Variants in PCDHGB2 observed in about 807,000 individuals in gnomAD.
PCDHGB2 encodes protocadherin gamma subfamily B, 2, also known as protocadherin gamma-B2.
In PCDHGB2, 55 loss-of-function variants were observed where a neutral mutation model predicts 59.3. That is an observed-to-expected ratio of 0.93 (90% CI 0.75 to 1.16). PCDHGB2 has a LOEUF of 1.16. Among genes scored for constraint, PCDHGB2 ranks in the 50% most tolerant of loss-of-function variants. PCDHGB2 has a pLI of 0.00. For synonymous variants in PCDHGB2, 516 were observed against 512.0 expected (o/e 1.01, Z -0.11); for missense variants, 1,228 against 1,198.5 (o/e 1.02, Z -0.36).
chr5:141,379,975 C>T (rs2150153765), intron 1 of PCDHGB2, among the ~76,000 whole-genome samples: 1 of 132,632 alleles, frequency 7.5e-6, no homozygotes, highest in South Asian at 2.6e-4. Flanking sequence ...TCTCTGCTCA[C>T]TGCAACTTCC....
intron 1 of PCDHGB2, among the ~76,000 whole-genome samples, chr5:141,463,209 A>G (rs1189251811): frequency 6.6e-6 from 1 of 152,140 alleles, no homozygotes; most frequent in African/African-American, 2.4e-5. Flanking sequence ...TTGGGGATCC[A>G]TATTAATATT....
chr5:141,474,551 C>G (rs1032524620), intron 1 of PCDHGB2, among the ~76,000 whole-genome samples: 35 of 152,312 alleles, frequency 2.3e-4, no homozygotes, highest in Non-Finnish European at 3.5e-4. Flanking sequence ...GCATTTAAAA[C>G]TGGGGGTTTT....
intron 1 of PCDHGB2, chr5:141,385,190 G>C (rs899564761): frequency 3.7e-6 from 6 of 1,614,166 alleles, no homozygotes; most frequent in Non-Finnish European, 5.1e-6. Context: ...GCGGACTCTC[G>C]GAAGAGTCAC....
chr5:141,428,858 GACT>G (rs1348026268), intron 1 of PCDHGB2: 1 of 139,194 alleles, frequency 7.2e-6, no homozygotes, highest in African/African-American at 3.0e-5. Flanking sequence ...TTTTACGGGA[GACT>G]TTTTTTTTTT....
chr5:141,467,907 C>A (rs1166486426), intron 1 of PCDHGB2, among the ~76,000 whole-genome samples: 1 of 152,156 alleles, frequency 6.6e-6, no homozygotes, highest in Non-Finnish European at 1.5e-5. Flanking sequence ...AATCCGCCCA[C>A]CTCAGCCTCC....
In PCDHGB2 at chr5:141,491,762, C is replaced by T. The variant is rs1162878124; in HGVS notation, c.2422-3045C>T. The T allele has an allele frequency of 6.4e-7, 1 of 1,572,596 alleles. No homozygotes were observed. The highest frequency in any genetic ancestry group is 1.4e-5 in the African/African-American group (1 of 73,308). ...GGCGGCACTGGAGAAGCCGCCCGTC[C>T]TCATAAGGGATTGAACTTGCATCCA... On this transcript the variant is annotated intron_variant, in intron 1 of 3. Transcript: ENST00000522605. The surrounding 1 kb of genome is among the most constrained non-coding windows in gnomAD (Gnocchi z 6.9).
chr5:141,438,471 A>C (rs1019238906), intron 1 of PCDHGB2, among the ~76,000 whole-genome samples: 4 of 151,396 alleles, frequency 2.6e-5, no homozygotes, highest in Admixed American at 2.6e-4. Flanking sequence ...CAATTATTGG[A>C]AAGTGGTCTC....
Position 141,512,288 on chromosome 5 carries a change from TCAGCGGAGCCCCAGCAGGAAGGGTGGGC to T in PCDHGB2, c.*1120_*1147del, listed in dbSNP as rs1375137843. The T allele has an allele frequency of 6.5e-6, 1 of 152,680 alleles. No individual in the cohort carries two copies. Among genetic ancestry groups the T allele is most frequent in the Non-Finnish European group, 1.5e-5 (1 of 68,182 alleles). The allele number at this position is 152,680 out of a possible 1,614,324, so 9.5% of individuals were successfully genotyped here. ...TCCAGAGGTGCCACTGGTGGAAGGG[TCAGCGGAGCCCCAGCAGGAAGGGTGGGC>T]CAGCCAGGCCATTCTTAGTCCCTGG... On this transcript the variant is annotated 3_prime_UTR_variant, in exon 4 of 4. Coordinates refer to ENST00000522605, the MANE Select transcript of PCDHGB2 (RefSeq NM_018923.3).
rs375166529 is a variant in PCDHGB2, at chr5:141,399,734, C to G, written c.2421+37178C>G. The G allele has an allele frequency of 3.7e-6, 6 of 1,613,220 alleles. No homozygotes were observed. The African/African-American group carries it at 4.0e-5, about 11-fold the overall frequency. ...CTACAGGCCCGCGACCAGGGCTCGC[C>G]TGCGCTCAGCGCAAACGTGAGCCTG... On this transcript the variant is annotated intron_variant, in intron 1 of 3. Transcript: ENST00000522605.
At chr5:141,464,223 CCACTGCA>C (rs916210777) in intron 1 of PCDHGB2, among the ~76,000 whole-genome samples, 4 of 150,824 alleles carry the variant, frequency 2.7e-5, no homozygotes, top group Non-Finnish European at 4.4e-5. Flanking sequence ...TGAGATTGCG[CCACTGCA>C]CTCCAGCCTG....
In PCDHGB2 at chr5:141,476,288, C is replaced by A. The variant is rs1446743849; in HGVS notation, c.2422-18519C>A. 3.1e-6 allele frequency: 5 copies of A among 1,613,980 alleles called. No homozygotes were observed. The highest frequency in any genetic ancestry group is 3.4e-6 in the Non-Finnish European group (4 of 1,180,026). ...CGTGGTCGCGAACCTTGGTTTGGAT[C>A]TCGGTAGCCTCTCAGCCCGCAGGTT... On this transcript the variant is annotated intron_variant, in intron 1 of 3. Coordinates refer to ENST00000522605, the MANE Select transcript of PCDHGB2 (RefSeq NM_018923.3). This position sits in a 1 kb window ranked among gnomAD's most constrained non-coding sequence, Gnocchi z 7.6.
intron 1 of PCDHGB2, chr5:141,414,361 T>G: frequency 6.2e-7 from 1 of 1,613,876 alleles, no homozygotes; most frequent in Non-Finnish European, 8.5e-7. Context: ...GTATCTACCA[T>G]TTAAATTAGA....
intron 1 of PCDHGB2, chr5:141,416,674 G>T (rs547618174): frequency 6.6e-6 from 1 of 152,132 alleles, no homozygotes; most frequent in Non-Finnish European, 1.5e-5. Context: ...TATATGCAAC[G>T]AAGGGAAATT....
intron 1 of PCDHGB2, 111 bp downstream of exon 1, chr5:141,362,667 T>C (rs545396981): frequency 5.4e-6 from 7 of 1,294,756 alleles, no homozygotes; most frequent in South Asian, 3.1e-5. Flanking sequence ...GCCAATGTTG[T>C]GCCTTAATTG....
chr5:141,364,884 G>C, intron 1 of PCDHGB2: 1 of 1,614,002 alleles, frequency 6.2e-7, no homozygotes, highest in Non-Finnish European at 8.5e-7. Context: ...GTGGTAAGCG[G>C]AACTGATGGA....
intron 2 of PCDHGB2, among the ~76,000 whole-genome samples, chr5:141,496,230 C>T (rs1336418553): frequency 2.6e-5 from 4 of 152,160 alleles, no homozygotes; most frequent in Admixed American, 2.0e-4. Flanking sequence ...AGACAGGAAC[C>T]CCCTGCGGGC....
chr5:141,453,721 A>G (rs373983847), intron 1 of PCDHGB2, among the ~76,000 whole-genome samples: 4 of 152,244 alleles, frequency 2.6e-5, no homozygotes, highest in East Asian at 1.9e-4. Flanking sequence ...CTATAAAAAT[A>G]TTTGTTACTA....
intron 2 of PCDHGB2, among the ~76,000 whole-genome samples, chr5:141,500,136 A>G (rs966215589): frequency 6.6e-6 from 1 of 151,606 alleles, no homozygotes; most frequent in African/African-American, 2.4e-5. Flanking sequence ...ATATCTTTCT[A>G]AACTTTTCTT....
In PCDHGB2 at chr5:141,423,512, C is replaced by T. The variant is rs765694240; in HGVS notation, c.2421+60956C>T. 55 of 1,613,552 alleles carry T rather than the reference C, an allele frequency of 3.4e-5. No individual in the cohort carries two copies. The highest frequency in any genetic ancestry group is 2.8e-4 in the African/African-American group (21 of 74,924). On this transcript the variant is annotated intron_variant, in intron 1 of 3. Coordinates refer to ENST00000522605, the MANE Select transcript of PCDHGB2 (RefSeq NM_018923.3). ...TATTCCCACGAGGTCTCTCTCATTGCGGACTCGCAGAAGAGTCACCTGATT... is the reference window on the plus strand; with the variant it reads ...TATTCCCACGAGGTCTCTCTCATTGTGGACTCGCAGAAGAGTCACCTGATT...
Sources: allele counts gnomAD v4.1 joint callset (sites outside exome capture counted in the v4.1 genomes callset), GRCh38; gene constraint gnomAD v4.1.1; non-coding constraint Gnocchi (gnomAD v3.1); transcripts MANE v1.5; gene names NCBI Gene and HGNC (gene_info 2026-07-23, HGNC 2026-07-21).